Variants in CAST observed in about 807,000 individuals in gnomAD.
The protein encoded by CAST is MIR583 host.
CAST carries 76 observed loss-of-function variants against 119.6 expected under a neutral mutation model. The ratio of observed to expected loss-of-function variants is 0.64; its 90% CI spans 0.53 to 0.77. CAST has a LOEUF of 0.77. Ranked by LOEUF, CAST falls within the 30% of genes least tolerant of loss-of-function variation. The pLI is 0.00. For missense variants in CAST, 953 were observed against 946.5 expected (o/e 1.01, Z -0.09); for synonymous variants, 319 against 331.6 (o/e 0.96, Z 0.41).
chr5:96,052,726 A>G, the CAST span, among the ~76,000 whole-genome samples: 3 of 152,184 alleles, frequency 2.0e-5, no homozygotes, highest in Admixed American at 2.0e-4. Context: ...TCCATTATTG[A>G]TGGAAGAATA....
At chr5:96,727,774 C>T (rs1048231377) in intron 6 of CAST, among the ~76,000 whole-genome samples, 8 of 151,822 alleles carry the variant, frequency 5.3e-5, no homozygotes, top group African/African-American at 1.9e-4. Context: ...GCATTTTGTT[C>T]AAATCTAGTT....
chr5:96,729,111 T>C, intron 6 of CAST, 42 bp from the exon 7 acceptor site: 1 of 1,156,748 alleles, frequency 8.6e-7, no homozygotes, highest in Non-Finnish European at 1.3e-6. Context: ...TATTACAAGT[T>C]GGATTCCAGT....
the CAST span, among the ~76,000 whole-genome samples, chr5:96,236,466 G>A: frequency 1.3e-5 from 2 of 152,092 alleles, no homozygotes; most frequent in East Asian, 1.9e-4. Flanking sequence ...CTGTCTCCTC[G>A]GGGACTCTAG....
chr5:96,416,259 G>C, the CAST span: 1 of 684,922 alleles, frequency 1.5e-6, no homozygotes, highest in Non-Finnish European at 2.7e-6. Flanking sequence ...TTTTAAATTA[G>C]TATAACATAA....
chr5:96,317,391 C>T, the CAST span, among the ~76,000 whole-genome samples: 17 of 144,304 alleles, frequency 1.2e-4, no homozygotes, highest in Non-Finnish European at 1.8e-4. Flanking sequence ...GCAGGAGAAT[C>T]GCTTGAGCCC....
At chr5:96,477,732 T>A in the CAST span, among the ~76,000 whole-genome samples, 1 of 152,236 alleles carries the variant, frequency 6.6e-6, no homozygotes, top group African/African-American at 2.4e-5. Context: ...CTCACCAATC[T>A]GACTTAATTA....
At chr5:96,002,135 A>G in the CAST span, among the ~76,000 whole-genome samples, 574 of 152,378 alleles carry the variant, frequency 3.8e-3, 5 homozygotes, top group African/African-American at 0.013. Context: ...ATTTAGGAGC[A>G]ACCATTGTTC....
intron 1 of CAST, among the ~76,000 whole-genome samples, chr5:96,643,591 T>C (rs1747979861): frequency 6.6e-6 from 1 of 151,790 alleles, no homozygotes; most frequent in Non-Finnish European, 1.5e-5. Flanking sequence ...TACAAAAAAA[T>C]GGGCCAGGCG....
chr5:96,022,224 A>G, the CAST span, among the ~76,000 whole-genome samples: 16 of 152,322 alleles, frequency 1.1e-4, no homozygotes, highest in Admixed American at 9.2e-4. Context: ...ACCAAGGACA[A>G]CTGTACATTT....
At chr5:96,492,184 G>C in the CAST span, among the ~76,000 whole-genome samples, 1 of 152,230 alleles carries the variant, frequency 6.6e-6, no homozygotes, top group Non-Finnish European at 1.5e-5. Context: ...AAAGCATTTT[G>C]TAGGAATCTT....
chr5:96,442,721 T>C, the CAST span, among the ~76,000 whole-genome samples: 3 of 152,224 alleles, frequency 2.0e-5, no homozygotes, highest in Non-Finnish European at 4.4e-5. Flanking sequence ...TACAAACTTC[T>C]ACAGGTACCC....
the CAST span, among the ~76,000 whole-genome samples, chr5:96,157,464 A>G: frequency 6.6e-6 from 1 of 152,258 alleles, no homozygotes; most frequent in Non-Finnish European, 1.5e-5. Context: ...AACTCCTCAA[A>G]GACAAAAGTA....
At chr5:96,183,244 A>G in the CAST span, among the ~76,000 whole-genome samples, 1 of 150,592 alleles carries the variant, frequency 6.6e-6, no homozygotes, top group African/African-American at 2.4e-5. Flanking sequence ...GATAGTACAT[A>G]TTTTAAAAAC....
At chr5:96,450,205 T>A in the CAST span, among the ~76,000 whole-genome samples, 1 of 152,246 alleles carries the variant, frequency 6.6e-6, no homozygotes, top group African/African-American at 2.4e-5. Context: ...GATATCTATC[T>A]ATCTATATAT....
At chr5:96,662,850 G>A (rs1045020716) in intron 1 of CAST, 10 of 561,324 alleles carry the variant, frequency 1.8e-5, no homozygotes, top group Middle Eastern at 4.6e-4. Context: ...TGGACAGCGG[G>A]ATGTAGTCTT....
intron 1 of CAST, among the ~76,000 whole-genome samples, chr5:96,532,558 T>A (rs1383553188): frequency 3.3e-5 from 5 of 152,000 alleles, no homozygotes; most frequent in Non-Finnish European, 7.4e-5. Context: ...ATACAAAAAA[T>A]TTAAAAATTG....
At chr5:96,326,150 T>C in the CAST span, among the ~76,000 whole-genome samples, 91 of 152,334 alleles carry the variant, frequency 6.0e-4, no homozygotes, top group Admixed American at 1.4e-3. Context: ...AGTTAACTTA[T>C]GTTGATTTGG....
the CAST span, among the ~76,000 whole-genome samples, chr5:96,160,497 C>T: frequency 6.6e-6 from 1 of 152,052 alleles, no homozygotes; most frequent in East Asian, 1.9e-4. Context: ...AACATTTTGT[C>T]TATTCATTCA....
chr5:96,659,245 AC>A (rs1748210113), upstream of CAST, among the ~76,000 whole-genome samples: 2 of 152,360 alleles, frequency 1.3e-5, no homozygotes, highest in African/African-American at 4.8e-5. Flanking sequence ...AGGTGAACAC[AC>A]ATGCTGTTGG....
Sources: gnomAD v4.1 joint callset for allele counts (sites outside exome capture counted in the v4.1 genomes callset) on GRCh38, gnomAD v4.1.1 for gene constraint, MANE v1.5 for transcripts, NCBI Gene and HGNC (gene_info 2026-07-23, HGNC 2026-07-21) for gene names.